Variants in DPF3 observed in about 807,000 individuals in gnomAD.
DPF3 encodes zinc finger protein DPF3.
Under a neutral mutation model 56.8 loss-of-function variants are expected in DPF3, and 18 were observed. The observed-to-expected ratio is 0.32, with a 90% CI of 0.22 to 0.47. The LOEUF (loss-of-function observed/expected upper bound fraction) is 0.47, where lower values mean the gene tolerates loss of function less well. Among genes scored for constraint, DPF3 ranks in the 20% least tolerant of loss-of-function variants. The probability of loss-of-function intolerance (pLI) is 1.00; values close to 1 mark genes in which losing one functional copy is unlikely to be tolerated. For synonymous variants in DPF3, 188 were observed against 180.2 expected (o/e 1.04, Z -0.35); for missense variants, 403 against 488.8 (o/e 0.82, Z 1.65).
rs1883634619 is a variant in DPF3 at position 72,823,265 on chromosome 14, C to A, written c.33-51372G>T. 4.6e-5 allele frequency among the ~76,000 whole-genome samples: 7 copies of A among 152,214 alleles called. No homozygotes were observed. The South Asian group carries it at 1.4e-3, about 32-fold the overall frequency. ...TGTCCCTAATTACTAGCACAGCCAG[C>A]TGCCAACATGGAATCTAGGTCTCCC... On this transcript the variant is annotated intron_variant, in intron 1 of 10. Transcript: ENST00000556509.
At chr14:72,775,016 A>C (rs115581689) in intron 1 of DPF3, among the ~76,000 whole-genome samples, 4,458 of 152,322 alleles carry the variant, frequency 0.029, 197 homozygotes, top group African/African-American at 0.1. Flanking sequence ...CAGGCTGTTC[A>C]GGGTATCCTG....
chr14:72,714,204 C>A (rs1358719321), intron 6 of DPF3, among the ~76,000 whole-genome samples: 1 of 152,152 alleles, frequency 6.6e-6, no homozygotes, highest in African/African-American at 2.4e-5. Flanking sequence ...GGGGGCCACC[C>A]CAGCTGGCTT....
intron 1 of DPF3, among the ~76,000 whole-genome samples, chr14:72,872,086 C>T (rs531183592): frequency 2.0e-5 from 3 of 152,334 alleles, no homozygotes; most frequent in South Asian, 2.1e-4. Context: ...AAGCTGCCAA[C>T]GCTTGGGGCT....
intron 1 of DPF3, among the ~76,000 whole-genome samples, chr14:72,886,849 T>A (rs1185192645): frequency 3.9e-5 from 6 of 152,054 alleles, no homozygotes; most frequent in Non-Finnish European, 8.8e-5. Flanking sequence ...AAGTCCAGTC[T>A]AGTCTTGGCT....
At chr14:72,652,086 A>C (rs531773997) in intron 8 of DPF3, among the ~76,000 whole-genome samples, 1 of 152,196 alleles carries the variant, frequency 6.6e-6, no homozygotes, top group South Asian at 2.1e-4. Context: ...AACACCCCCT[A>C]CATCACAGGA....
chr14:72,862,285 A>G (rs1885469462), intron 1 of DPF3, among the ~76,000 whole-genome samples: 2 of 152,252 alleles, frequency 1.3e-5, no homozygotes, highest in Middle Eastern at 6.8e-3. Context: ...CAAGCCTTCC[A>G]GACGAAGTGG....
intron 1 of DPF3, among the ~76,000 whole-genome samples, chr14:72,831,041 T>C (rs539885541): frequency 6.6e-6 from 1 of 152,280 alleles, no homozygotes; most frequent in African/African-American, 2.4e-5. Flanking sequence ...GTCCCCCATG[T>C]CATCAGCATC....
intron 9 of DPF3, among the ~76,000 whole-genome samples, chr14:72,629,297 A>G (rs1885025541): frequency 6.6e-6 from 1 of 152,224 alleles, no homozygotes; most frequent in Non-Finnish European, 1.5e-5. Flanking sequence ...CATCAATTCT[A>G]TTATTCTCTC....
chr14:72,722,137 T>C (rs1889200417), intron 5 of DPF3, among the ~76,000 whole-genome samples: 1 of 152,244 alleles, frequency 6.6e-6, no homozygotes, highest in Admixed American at 6.5e-5. Context: ...CACTGAGATA[T>C]GTGTCAGTTA....
chr14:72,755,219 G>T (rs187021723), intron 2 of DPF3, among the ~76,000 whole-genome samples: 2 of 152,280 alleles, frequency 1.3e-5, no homozygotes, highest in East Asian at 3.9e-4. Context: ...ACCCTCCAAA[G>T]GTCTACGTGG....
intron 7 of DPF3, among the ~76,000 whole-genome samples, chr14:72,683,391 G>A (rs1887252794): frequency 6.6e-6 from 1 of 151,900 alleles, no homozygotes; most frequent in Non-Finnish European, 1.5e-5. Flanking sequence ...TCTGGGGGTG[G>A]GATCCAGTGG....
chr14:72,821,621 T>C (rs1436983049), intron 1 of DPF3, among the ~76,000 whole-genome samples: 1 of 147,870 alleles, frequency 6.8e-6, no homozygotes, highest in Admixed American at 6.7e-5. Flanking sequence ...GAGTGAGATG[T>C]GTAGATGACT....
intron 9 of DPF3, among the ~76,000 whole-genome samples, chr14:72,620,287 ATTC>A (rs1273700510): frequency 1.3e-5 from 2 of 152,226 alleles, no homozygotes; most frequent in Non-Finnish European, 2.9e-5. Flanking sequence ...GGGATCCCTT[ATTC>A]TTCTGAACTT....
At chr14:72,843,105 A>T (rs761102283) in intron 1 of DPF3, among the ~76,000 whole-genome samples, 18 of 152,206 alleles carry the variant, frequency 1.2e-4, no homozygotes, top group Non-Finnish European at 2.4e-4. Context: ...TTTATTTGTC[A>T]TGTATCATTC....
At chr14:72,741,468 C>CCAAACCCAAACCCA (rs1890119318) in intron 3 of DPF3, among the ~76,000 whole-genome samples, 1 of 152,228 alleles carries the variant, frequency 6.6e-6, no homozygotes, top group African/African-American at 2.4e-5. Flanking sequence ...AAGGCCCCTA[C>CCAAACCCAAACCCA]AACCCAAAAC....
intron 3 of DPF3, among the ~76,000 whole-genome samples, chr14:72,748,625 C>T (rs61659661): frequency 0.034 from 5,175 of 152,284 alleles, 224 homozygotes; most frequent in African/African-American, 0.1. Context: ...CCATCACAGG[C>T]CTGGAGGTTT....
Position 72,789,125 on chromosome 14 carries a change from T to G in DPF3, c.33-17232A>C, listed in dbSNP as rs533865627. Among the ~76,000 whole-genome samples the G allele has an allele frequency of 3.9e-5, 6 of 152,314 alleles. No homozygotes were observed. The South Asian group carries it at 1.2e-3, about 32-fold the overall frequency. ...TAAACGCACGTTGCAGTCCTGGCTG[T>G]GAGCTCCTGGAGAACATGGGTACTG... On this transcript the variant is annotated intron_variant, in intron 1 of 10. Transcript: ENST00000556509.
At chr14:72,727,995 CA>C (rs1889477611) in intron 4 of DPF3, among the ~76,000 whole-genome samples, 1 of 152,124 alleles carries the variant, frequency 6.6e-6, no homozygotes. Context: ...ATGATGGTGA[CA>C]TGATGACGAC....
rs1000955084 is a variant in DPF3, at chr14:72,611,089, G to GC, written c.*8207dup. 2.6e-5 allele frequency among the ~76,000 whole-genome samples: 4 copies of GC among 152,020 alleles called. No homozygotes were observed. The highest frequency in any genetic ancestry group is 4.8e-5 in the African/African-American group (2 of 41,372). On this transcript the variant is annotated 3_prime_UTR_variant, in exon 11 of 11. Coordinates refer to ENST00000556509, the MANE Select transcript of DPF3 (RefSeq NM_001280542.3). ...CACTGGGAGTCATGTGCCATCCAGG[G>GC]CCCCAGAGGAGCCTTCCCTTGGGCC...
Sources: allele counts gnomAD v4.1 joint callset (sites outside exome capture counted in the v4.1 genomes callset), GRCh38; gene constraint gnomAD v4.1.1; transcripts MANE v1.5; gene names NCBI Gene and HGNC (gene_info 2026-07-23, HGNC 2026-07-21).